KDM5A: variants seen among roughly 807,000 people sequenced by gnomAD.
KDM5A encodes lysine demethylase 5A.
A neutral mutation model predicts 193.5 loss-of-function variants in KDM5A; 42 were observed. That is an observed-to-expected ratio of 0.22 (90% CI 0.17 to 0.28). The LOEUF (loss-of-function observed/expected upper bound fraction) is 0.28. Ranked by LOEUF, KDM5A falls within the 10% of genes least tolerant of loss-of-function variation. The probability of loss-of-function intolerance (pLI) is 1.00; values close to 1 mark genes in which losing one functional copy is unlikely to be tolerated. For missense variants in KDM5A, 1,692 were observed against 2,055.1 expected, an observed-to-expected ratio of 0.82 and a Z score of 3.42; for synonymous variants, 796 against 718.1, an observed-to-expected ratio of 1.11 and a Z score of -1.73.
At chr12:372,786 G>C (rs928422871) in intron 3 of KDM5A, among the ~76,000 whole-genome samples, 9 of 152,194 alleles carry the variant, frequency 5.9e-5, no homozygotes, top group Non-Finnish European at 1.2e-4. Flanking sequence ...AATTTATTGA[G>C]AGTTTTTAGC....
chr12:296,040 C>T (rs1048814176), intron 25 of KDM5A, among the ~76,000 whole-genome samples: 21 of 152,128 alleles, frequency 1.4e-4, no homozygotes, highest in Non-Finnish European at 2.6e-4. Context: ...TTCTTCCAGC[C>T]GGGTGTGGCG....
chr12:297,229 G>A (rs1429957369), intron 24 of KDM5A, 29 bp from the exon 25 acceptor site: 2 of 1,610,322 alleles, frequency 1.2e-6, no homozygotes, highest in African/African-American at 1.3e-5. Flanking sequence ...GAAGTATTCA[G>A]AATTAGAGTC....
intron 3 of KDM5A, among the ~76,000 whole-genome samples, chr12:376,038 TAAG>T (rs1046195061): frequency 1.3e-5 from 2 of 152,202 alleles, no homozygotes; most frequent in African/African-American, 4.8e-5. Flanking sequence ...GGGACCCACA[TAAG>T]GAGGCAGTCT....
At chr12:323,841 T>A in intron 14 of KDM5A, 60 bp from the exon 15 acceptor site, 1 of 1,396,222 alleles carries the variant, frequency 7.2e-7, no homozygotes, top group South Asian at 1.2e-5. Flanking sequence ...ATCAAAAAAC[T>A]TAAGTTACTA....
intron 1 of KDM5A, chr12:387,257 T>C (rs1313767968): frequency 2.7e-6 from 1 of 368,116 alleles, no homozygotes; most frequent in Non-Finnish European, 5.2e-6. Context: ...CCTTGGAAAC[T>C]GAAGAAATCT....
intron 14 of KDM5A, among the ~76,000 whole-genome samples, chr12:325,661 G>A (rs1943773616): frequency 6.6e-6 from 1 of 152,102 alleles, no homozygotes. Flanking sequence ...GCAACAGAGT[G>A]AGACCCTGTC....
rs1462304790 is a variant in KDM5A at position 280,363 on chromosome 12, T to C, written c.*5093A>G. 1 of 233,004 alleles carries C rather than the reference T, an allele frequency of 4.3e-6. No homozygotes were observed. Among genetic ancestry groups the C allele is most frequent in the Non-Finnish European group, 8.5e-6 (1 of 117,974 alleles). The allele number at this position is 233,004 out of a possible 1,614,324, so 14.4% of individuals were successfully genotyped here. A position where few individuals can be genotyped will look rare whatever the true frequency, so the allele number is the denominator to read the frequency against. On this transcript the variant is annotated 3_prime_UTR_variant, in exon 28 of 28. Transcript: ENST00000399788. Reference sequence around the variant, plus strand: ...ACTGGGAGGGTCCAACACAATTTTTTTTTTTAATGGACTTGCCACCTTAAG... The same window carrying C: ...ACTGGGAGGGTCCAACACAATTTTTCTTTTTAATGGACTTGCCACCTTAAG...
chr12:322,385 A>G, intron 17 of KDM5A, 32 bp downstream of exon 17: 1 of 1,603,960 alleles, frequency 6.2e-7, no homozygotes, highest in Non-Finnish European at 8.5e-7. Flanking sequence ...AAACAGGAAA[A>G]CACTGGAGAA....
At chr12:359,560 C>G (rs547227345) in intron 5 of KDM5A, among the ~76,000 whole-genome samples, 296 of 151,968 alleles carry the variant, frequency 1.9e-3, no homozygotes, top group Non-Finnish European at 2.8e-3. Flanking sequence ...ACCTGGGCAA[C>G]ATGGCAAAAC....
intron 3 of KDM5A, among the ~76,000 whole-genome samples, chr12:371,640 T>C (rs745385196): frequency 6.6e-6 from 1 of 152,220 alleles, no homozygotes; most frequent in Non-Finnish European, 1.5e-5. Flanking sequence ...TTGGCTTTTG[T>C]TGCCATTGCT....
chr12:385,090 G>A (rs1482953294), intron 2 of KDM5A, among the ~76,000 whole-genome samples: 1 of 151,604 alleles, frequency 6.6e-6, no homozygotes, highest in Admixed American at 6.6e-5. Context: ...GGCTAAGGCA[G>A]GAGAATCGCT....
chr12:311,472 C>G (rs1047523828), intron 20 of KDM5A, among the ~76,000 whole-genome samples: 4 of 151,774 alleles, frequency 2.6e-5, no homozygotes, highest in African/African-American at 9.7e-5. Context: ...GGTGAAACCC[C>G]ACCTGGTAGA....
intron 4 of KDM5A, among the ~76,000 whole-genome samples, chr12:364,825 CTA>C (rs1944336291): frequency 6.7e-6 from 1 of 150,190 alleles, no homozygotes; most frequent in Non-Finnish European, 1.5e-5. Flanking sequence ...CATAAACTTA[CTA>C]TATAACCCAG....
chr12:389,157 A>G lies in KDM5A; in HGVS notation c.-66T>C. 1 of 1,477,576 alleles carries G rather than the reference A, an allele frequency of 6.8e-7. No individual in the cohort carries two copies. Among genetic ancestry groups the G allele is most frequent in the South Asian group, 1.1e-5 (1 of 88,534 alleles). 91.5% of individuals were successfully genotyped at this position (1,477,576 alleles called of 1,614,324 possible). ...GGTGGAGAAAAGCTGGCTGAAGCCC[A>G]CTAAGCCCGTTCAAGTCCCCTGACA... On this transcript the variant is annotated 5_prime_UTR_variant, in exon 1 of 28. Transcript: ENST00000399788.
Position 285,429 on chromosome 12 carries a change from C to T in KDM5A, c.*27G>A, listed in dbSNP as rs974496398. The stretch of plus-strand genomic sequence containing the variant: ...AGGTCTCAATGTGGTCCATGTCCCC[C>T]CATGTCCCAAACTAACCAAGCATCT... On this transcript the variant is annotated 3_prime_UTR_variant, in exon 28 of 28. Coordinates refer to ENST00000399788, the MANE Select transcript of KDM5A (RefSeq NM_001042603.3). The T allele has an allele frequency of 6.3e-7, 1 of 1,595,540 alleles. No homozygotes were observed. Among genetic ancestry groups the T allele is most frequent in the Non-Finnish European group, 8.6e-7 (1 of 1,163,256 alleles).
chr12:381,076 C>G (rs970467660), intron 3 of KDM5A, among the ~76,000 whole-genome samples: 1 of 152,124 alleles, frequency 6.6e-6, no homozygotes, highest in African/African-American at 2.4e-5. Flanking sequence ...CTCACCACAA[C>G]CTCCACCTCC....
At chr12:290,336 A>C (rs1052390076) in intron 27 of KDM5A, among the ~76,000 whole-genome samples, 1 of 152,244 alleles carries the variant, frequency 6.6e-6, no homozygotes, top group South Asian at 2.1e-4. Flanking sequence ...AATCTGAAAT[A>C]ACTTCTGCTT....
At chr12:287,019 C>T (rs1943226885) in intron 27 of KDM5A, among the ~76,000 whole-genome samples, 2 of 152,102 alleles carry the variant, frequency 1.3e-5, no homozygotes, top group Non-Finnish European at 2.9e-5. Context: ...TACAAGATTA[C>T]CGAGAGGATC....
chr12:388,479 G>A, intron 1 of KDM5A: 1 of 371,228 alleles, frequency 2.7e-6, no homozygotes, highest in Non-Finnish European at 5.3e-6. Flanking sequence ...AATACCATCC[G>A]GTGAGACTAG....
Sources: allele counts gnomAD v4.1 joint callset (sites outside exome capture counted in the v4.1 genomes callset), GRCh38; gene constraint gnomAD v4.1.1; transcripts MANE v1.5; gene names NCBI Gene and HGNC (gene_info 2026-07-23, HGNC 2026-07-21).